The following COL28A1 variants were observed in gnomAD, a reference collection of about 807,000 sequenced individuals.
COL28A1 encodes collagen alpha-1(XXVIII) chain.
A neutral mutation model predicts 150.2 loss-of-function variants in COL28A1; 161 were observed. That is an observed-to-expected ratio of 1.07 (90% CI 0.94 to 1.22). The LOEUF is 1.22. Ranked by LOEUF, COL28A1 falls within the 50% of genes most tolerant of loss-of-function variation. The probability of loss-of-function intolerance (pLI) is 0.00; values close to 1 mark genes in which losing one functional copy is unlikely to be tolerated. For synonymous variants in COL28A1, 552 were observed against 469.7 expected (o/e 1.18, Z -2.26); for missense variants, 1,617 against 1,388.3 (o/e 1.16, Z -2.62).
chr7:7,386,294 A>G (rs1782178208), intron 27 of COL28A1, among the ~76,000 whole-genome samples: 1 of 152,216 alleles, frequency 6.6e-6, no homozygotes, highest in African/African-American at 2.4e-5. Context: ...GGTAAGAAAA[A>G]AATCAAATTT....
At chr7:7,510,997 G>A in intron 9 of COL28A1, 94 bp downstream of exon 9, 2 of 956,922 alleles carry the variant, frequency 2.1e-6, no homozygotes, top group Non-Finnish European at 3.4e-6. Flanking sequence ...CTCTAGTAGT[G>A]AGATCACCAT....
upstream of COL28A1, among the ~76,000 whole-genome samples, chr7:7,537,420 C>G (rs1782682926): frequency 6.6e-6 from 1 of 152,186 alleles, no homozygotes; most frequent in Non-Finnish European, 1.5e-5. Flanking sequence ...TTTTTTTTCT[C>G]ATCAATGTTA....
chr7:7,498,407 G>A (rs1207616336), intron 11 of COL28A1, among the ~76,000 whole-genome samples: 1 of 152,068 alleles, frequency 6.6e-6, no homozygotes, highest in Non-Finnish European at 1.5e-5. Context: ...AGAGCAGATG[G>A]GTGTATATGA....
chr7:7,440,212 T>C (rs1286252294), intron 21 of COL28A1, among the ~76,000 whole-genome samples: 2 of 152,210 alleles, frequency 1.3e-5, no homozygotes, highest in African/African-American at 4.8e-5. Context: ...CATTTCACCA[T>C]ATTGATTTTT....
At chr7:7,536,776 C>T (rs7808158), upstream of COL28A1, among the ~76,000 whole-genome samples, 11,861 of 152,240 alleles carry the variant, frequency 0.078, 1,590 homozygotes, top group African/African-American at 0.27. Flanking sequence ...TTCCTTATTA[C>T]AGCAATAATA....
At chr7:7,430,507 A>G (rs1784901888) in intron 25 of COL28A1, among the ~76,000 whole-genome samples, 1 of 152,212 alleles carries the variant, frequency 6.6e-6, no homozygotes, top group Non-Finnish European at 1.5e-5. Context: ...ACATAATCGT[A>G]TAATTTAATA....
At position 7,386,151 on chromosome 7, in the gene COL28A1, T is replaced by G. The variant is rs78863883; in HGVS notation, c.2137-4539A>C. Among the ~76,000 whole-genome samples, 10 of 152,362 alleles carry G rather than the reference T, an allele frequency of 6.6e-5. No individual in the cohort carries two copies. The East Asian group carries it at 1.7e-3, about 26-fold the overall frequency. ...TGATCATTTTCATTTTTCAGATGACTGCTTGTTCTCTGGGAGAGAAATTTC... is the reference window on the plus strand; with the variant it reads ...TGATCATTTTCATTTTTCAGATGACGGCTTGTTCTCTGGGAGAGAAATTTC... On this transcript the variant is annotated intron_variant, in intron 27 of 34. Coordinates refer to ENST00000399429, the MANE Select transcript of COL28A1 (RefSeq NM_001037763.3).
At chr7:7,533,215 A>G (rs1394424901) in intron 1 of COL28A1, among the ~76,000 whole-genome samples, 1 of 152,110 alleles carries the variant, frequency 6.6e-6, no homozygotes, top group Non-Finnish European at 1.5e-5. Context: ...AAACATTTCA[A>G]TCCCGCTCTA....
rs565336689 is a variant in COL28A1 at position 7,443,769 on chromosome 7, C to G, written c.1582-116G>C. ...TTCAGCTGAGACTCTCCAAAACACA[C>G]CATACCTTCACTCTAGTCTCAAAAT... is the stretch of plus-strand genomic sequence containing the variant. On this transcript the variant is annotated intron_variant, in intron 19 of 34. Coordinates refer to ENST00000399429, the MANE Select transcript of COL28A1 (RefSeq NM_001037763.3). The G allele has an allele frequency of 5.8e-5, 81 of 1,390,058 alleles. No homozygotes were observed. The South Asian group carries it at 1.3e-3, about 22-fold the overall frequency. The allele number at this position is 1,390,058 out of a possible 1,614,324, so 86.1% of individuals were successfully genotyped here.
chr7:7,406,260 G>T (rs1227610764), intron 27 of COL28A1, among the ~76,000 whole-genome samples: 1 of 152,154 alleles, frequency 6.6e-6, no homozygotes, highest in Non-Finnish European at 1.5e-5. Context: ...TTGAATTAAA[G>T]TATATATGAA....
intron 33 of COL28A1, among the ~76,000 whole-genome samples, chr7:7,360,855 A>G (rs1541502): frequency 0.78 from 118,314 of 152,200 alleles, 46,190 homozygotes; most frequent in East Asian, 0.88. Flanking sequence ...TGAAAGATGC[A>G]AAGTTGAGAG....
rs187969973 is a variant in COL28A1 at position 7,387,375 on chromosome 7, T to C, written c.2137-5763A>G. ...TTTACTAAAGAATAAAACAATACTT[T>C]AAAAAGTTAAAAAGAATTAGATAAA... On this transcript the variant is annotated intron_variant, in intron 27 of 34. Coordinates refer to ENST00000399429, the MANE Select transcript of COL28A1 (RefSeq NM_001037763.3). Among the ~76,000 whole-genome samples, 188 of 152,274 alleles carry C rather than the reference T, an allele frequency of 1.2e-3. 1 individual carries two copies. The highest frequency in any genetic ancestry group is 6.8e-3 in the Middle Eastern group (2 of 294).
At chr7:7,392,091 G>T (rs2128294583) in intron 27 of COL28A1, among the ~76,000 whole-genome samples, 1 of 152,290 alleles carries the variant, frequency 6.6e-6, no homozygotes, top group Middle Eastern at 3.4e-3. Context: ...TTAGAATTTG[G>T]TATGTTTCTG....
Position 7,474,588 on chromosome 7 carries a change from T to A in COL28A1, c.1302+13A>T. ...TTGGCATTGTTTCCAGTGTACACCC[T>A]ATTATACAGTACCTTCTCCCCTTTG... On this transcript the variant is annotated intron_variant, in intron 15 of 34. Coordinates refer to ENST00000399429, the MANE Select transcript of COL28A1 (RefSeq NM_001037763.3). 9.8e-7 allele frequency: 1 copy of A among 1,022,672 alleles called. No individual in the cohort carries two copies. Among genetic ancestry groups the A allele is most frequent in the Non-Finnish European group, 1.6e-6 (1 of 640,178 alleles). The allele number at this position is 1,022,672 out of a possible 1,614,324, so 63.3% of individuals were successfully genotyped here.
chr7:7,393,739 T>G (rs1478085322), intron 27 of COL28A1, among the ~76,000 whole-genome samples: 1 of 152,188 alleles, frequency 6.6e-6, no homozygotes, highest in African/African-American at 2.4e-5. Flanking sequence ...TCCCCGCAAC[T>G]TTCTTTACAT....
chr7:7,511,799 A>T, intron 8 of COL28A1: 1 of 470,956 alleles, frequency 2.1e-6, no homozygotes, highest in Non-Finnish European at 4.4e-6. Context: ...CATGCTACAT[A>T]TTTTTCATTA....
At chr7:7,485,668 T>A (rs1304006394) in intron 13 of COL28A1, among the ~76,000 whole-genome samples, 4 of 152,212 alleles carry the variant, frequency 2.6e-5, no homozygotes, top group Non-Finnish European at 4.4e-5. Flanking sequence ...TTGAGGTTAA[T>A]TTTTTGTGTT....
At chr7:7,521,302 T>C (rs1781711309) in intron 5 of COL28A1, among the ~76,000 whole-genome samples, 1 of 152,172 alleles carries the variant, frequency 6.6e-6, no homozygotes, top group African/African-American at 2.4e-5. Flanking sequence ...TACCAGTTAT[T>C]AGGCCAGAAT....
chr7:7,401,607 T>G (rs1465410780), intron 27 of COL28A1, among the ~76,000 whole-genome samples: 1 of 152,102 alleles, frequency 6.6e-6, no homozygotes, highest in Non-Finnish European at 1.5e-5. Context: ...TTTGTCTATA[T>G]TATACCCCAT....
Sources: gnomAD v4.1 joint callset for allele counts (sites outside exome capture counted in the v4.1 genomes callset) on GRCh38, gnomAD v4.1.1 for gene constraint, MANE v1.5 for transcripts, NCBI Gene and HGNC (gene_info 2026-07-23, HGNC 2026-07-21) for gene names.